Variants in ENPP2 observed in about 807,000 individuals in gnomAD.
ENPP2 encodes the protein autotaxin.
ENPP2 carries 51 observed loss-of-function variants against 120.2 expected under a neutral mutation model. The observed-to-expected ratio is 0.42, with a 90% confidence interval of 0.34 to 0.54. The LOEUF (loss-of-function observed/expected upper bound fraction) is 0.54, where lower values mean the gene tolerates loss of function less well. Among genes scored for constraint, ENPP2 ranks in the 20% least tolerant of loss-of-function variants. The pLI, the probability that ENPP2 is intolerant of heterozygous loss-of-function variation, is 0.04. For synonymous variants in ENPP2, 365 were observed against 366.4 expected, an observed-to-expected ratio of 1.00 and a Z score of 0.04; for missense variants, 920 against 1,066.5, an observed-to-expected ratio of 0.86 and a Z score of 1.91.
intron 19 of ENPP2, among the ~76,000 whole-genome samples, chr8:119,574,077 A>T (rs1812166133): frequency 6.6e-6 from 1 of 152,192 alleles, no homozygotes; most frequent in African/African-American, 2.4e-5. Context: ...AAGAGGGGGA[A>T]ATAATCTCTG....
chr8:119,665,859 G>T (rs988975803), intron 1 of ENPP2, among the ~76,000 whole-genome samples: 1 of 151,974 alleles, frequency 6.6e-6, no homozygotes, highest in Non-Finnish European at 1.5e-5. Flanking sequence ...AAATATAAAT[G>T]TCCCAGACCA....
intron 8 of ENPP2, among the ~76,000 whole-genome samples, chr8:119,612,914 A>T (rs908571664): frequency 5.9e-5 from 9 of 152,310 alleles, no homozygotes; most frequent in Middle Eastern, 3.4e-3. Context: ...ATAAATTTTT[A>T]AAAAATAATA....
intron 19 of ENPP2, among the ~76,000 whole-genome samples, chr8:119,574,595 T>G (rs1812207382): frequency 6.6e-6 from 1 of 152,104 alleles, no homozygotes; most frequent in African/African-American, 2.4e-5. Flanking sequence ...GCACTCATTC[T>G]TTTTGTATTC....
Position 119,615,891 on chromosome 8 carries a change from A to G in ENPP2, c.777+374T>C, listed in dbSNP as rs564498282. ...ATTGTCACCACCATAATCCTAGGGA[A>G]GACATTCATATCATCTCACTTTTAT... On this transcript the variant is annotated intron_variant, in intron 8 of 24. Coordinates refer to ENST00000075322, the MANE Select transcript of ENPP2 (RefSeq NM_001040092.3). Among the ~76,000 whole-genome samples, 5 of 152,246 alleles carry G rather than the reference A, an allele frequency of 3.3e-5. No individual in the cohort carries two copies. The East Asian group carries it at 9.7e-4, about 29-fold the overall frequency.
intron 24 of ENPP2, among the ~76,000 whole-genome samples, chr8:119,559,543 A>T (rs1813748231): frequency 6.6e-6 from 1 of 152,208 alleles, no homozygotes; most frequent in African/African-American, 2.4e-5. Flanking sequence ...ATAATTCATC[A>T]TTAGGAAATA....
chr8:119,570,838 C>T lies in ENPP2; in HGVS notation c.1784G>A (p.Arg595Lys), dbSNP rs1283125215. 1.3e-6 allele frequency: 2 copies of T among 1,541,280 alleles called. No homozygotes were observed. Among genetic ancestry groups the T allele is most frequent in the African/African-American group, 1.4e-5 (1 of 70,560 alleles). The change falls in exon 20 of 25, where the codon AGA becomes AAA. Residue 595 changes from arginine to lysine, a missense_variant. Physicochemically the swap from Arg to Lys is conservative, Grantham distance 26. Transcript: ENST00000075322. ...TGCAGGTCGCCCATAGAGGAGGTGTCTCTCTAAAAAAGAAAAAAAATAAAC... is the reference window on the plus strand; with the variant it reads ...TGCAGGTCGCCCATAGAGGAGGTGTTTCTCTAAAAAAGAAAAAAAATAAAC... ...RLHTKGSTEE[R>K]HLLYGRPAVL...
chr8:119,638,351 T>G, intron 2 of ENPP2, 74 bp downstream of exon 2: 1 of 769,934 alleles, frequency 1.3e-6, no homozygotes, highest in Admixed American at 2.2e-5. Context: ...ATAAATATTT[T>G]AATAAGCTTA....
At chr8:119,648,194 A>T (rs1350887370) in intron 1 of ENPP2, among the ~76,000 whole-genome samples, 1 of 152,168 alleles carries the variant, frequency 6.6e-6, no homozygotes, top group Non-Finnish European at 1.5e-5. Flanking sequence ...GTGCTAAAAC[A>T]CACAAAATAA....
At chr8:119,593,934 C>A in intron 11 of ENPP2, 74 bp from the exon 12 acceptor site, 1 of 858,868 alleles carries the variant, frequency 1.2e-6, no homozygotes, top group Admixed American at 1.9e-5. Flanking sequence ...GATCTTCTAC[C>A]CCTAGAACAT....
chr8:119,626,043 A>G (rs1024704603), intron 3 of ENPP2, among the ~76,000 whole-genome samples: 4 of 133,334 alleles, frequency 3.0e-5, no homozygotes, highest in African/African-American at 1.0e-4. Context: ...GGAAAGCAAG[A>G]AAAAAAATTT....
intron 2 of ENPP2, among the ~76,000 whole-genome samples, chr8:119,630,895 TC>T (rs1374911581): frequency 2.0e-5 from 3 of 151,882 alleles, no homozygotes; most frequent in Non-Finnish European, 4.4e-5. Flanking sequence ...TTTTTTTTTT[TC>T]TTTTTTTTCT....
chr8:119,564,514 C>T (rs1242505399), intron 23 of ENPP2, among the ~76,000 whole-genome samples: 2 of 151,766 alleles, frequency 1.3e-5, no homozygotes, highest in African/African-American at 2.4e-5. Flanking sequence ...CCCGTCTCTG[C>T]TAAAAATACA....
chr8:119,608,415 T>C (rs16892860), intron 8 of ENPP2, among the ~76,000 whole-genome samples: 8,998 of 152,238 alleles, frequency 0.059, 783 homozygotes, highest in African/African-American at 0.19. Flanking sequence ...AATTTTGGAA[T>C]CCAGATTGTC....
At chr8:119,588,834 GA>G (rs1385905530) in intron 13 of ENPP2, among the ~76,000 whole-genome samples, 1 of 152,166 alleles carries the variant, frequency 6.6e-6, no homozygotes, top group East Asian at 1.9e-4. Context: ...CCATACTGGG[GA>G]CATCAATCCT....
rs552439293 is a variant in ENPP2 at position 119,567,165 on chromosome 8, C to T, written c.2131+1010G>A. 1.9e-3 allele frequency among the ~76,000 whole-genome samples: 288 copies of T among 152,202 alleles called. 3 individuals carry two copies. In the South Asian group the frequency reaches 0.026, roughly 14 times the overall value. On this transcript the variant is annotated intron_variant, in intron 22 of 24. Coordinates refer to ENST00000075322, the MANE Select transcript of ENPP2 (RefSeq NM_001040092.3). ...CTTCCTTTTCCTACCTTTCCCATAA[C>T]GATTTAAGTTCTGTTCACTACAAAT...
At chr8:119,663,717 T>C (rs1817990960) in intron 1 of ENPP2, among the ~76,000 whole-genome samples, 2 of 152,128 alleles carry the variant, frequency 1.3e-5, no homozygotes. Context: ...TGAAACACTC[T>C]GAGACAACCA....
At chr8:119,624,064 G>T (rs973579289) in intron 3 of ENPP2, among the ~76,000 whole-genome samples, 5 of 152,114 alleles carry the variant, frequency 3.3e-5, no homozygotes, top group Non-Finnish European at 7.4e-5. Flanking sequence ...ATATTGTGGG[G>T]TTTTTTCAAT....
At chr8:119,672,023 A>C (rs1282016649) in intron 1 of ENPP2, among the ~76,000 whole-genome samples, 2 of 152,084 alleles carry the variant, frequency 1.3e-5, no homozygotes, top group African/African-American at 4.8e-5. Flanking sequence ...GGGAGTTGAA[A>C]ATGCTCTATG....
intron 1 of ENPP2, among the ~76,000 whole-genome samples, chr8:119,662,711 A>C (rs1024961290): frequency 6.6e-5 from 10 of 152,264 alleles, no homozygotes; most frequent in African/African-American, 2.4e-4. Context: ...AAAAACAGGC[A>C]GGACAATATC....
Sources: allele counts gnomAD v4.1 joint callset (sites outside exome capture counted in the v4.1 genomes callset), GRCh38; gene constraint gnomAD v4.1.1; transcripts MANE v1.5; gene names NCBI Gene and HGNC (gene_info 2026-07-23, HGNC 2026-07-21).